LRRK1: variants seen among roughly 807,000 people sequenced by gnomAD.
The protein encoded by LRRK1 is leucine-rich repeat serine/threonine-protein kinase 1.
Under a neutral mutation model 209.1 loss-of-function variants are expected in LRRK1, and 113 were observed. That is an observed-to-expected ratio of 0.54 (90% CI 0.46 to 0.63). The LOEUF (loss-of-function observed/expected upper bound fraction) is 0.63, where lower values mean the gene tolerates loss of function less well. Ranked by LOEUF, LRRK1 falls within the 30% of genes least tolerant of loss-of-function variation. The probability of loss-of-function intolerance (pLI) is 0.00; values close to 1 mark genes in which losing one functional copy is unlikely to be tolerated. For missense variants in LRRK1, 2,284 were observed against 2,632.2 expected (o/e 0.87, Z 2.89); for synonymous variants, 1,144 against 1,099.7 (o/e 1.04, Z -0.80).
At chr15:101,016,989 T>A (rs1297633755) in intron 12 of LRRK1, among the ~76,000 whole-genome samples, 1 of 152,174 alleles carries the variant, frequency 6.6e-6, no homozygotes, top group Non-Finnish European at 1.5e-5. Context: ...TTATCTTCTG[T>A]GAGACACAGG....
intron 20 of LRRK1, among the ~76,000 whole-genome samples, chr15:101,041,810 C>A (rs1319941870): frequency 6.6e-6 from 1 of 152,102 alleles, no homozygotes; most frequent in African/African-American, 2.4e-5. Context: ...TATCTACATA[C>A]CTATGATGAA....
chr15:101,055,302 C>A, intron 27 of LRRK1, 79 bp downstream of exon 27: 1 of 1,359,172 alleles, frequency 7.4e-7, no homozygotes, highest in South Asian at 1.8e-5. Context: ...CCTGGAGGCA[C>A]CTGAAGCTTC....
At chr15:100,998,220 G>A (rs946501933) in intron 6 of LRRK1, among the ~76,000 whole-genome samples, 1 of 151,640 alleles carries the variant, frequency 6.6e-6, no homozygotes, top group South Asian at 2.1e-4. Context: ...AATATCTGGT[G>A]GCAGGGAAAG....
Position 101,026,132 on chromosome 15 carries a change from C to T in LRRK1, c.2400C>T (p.His800=), listed in dbSNP as rs745342762. ...GCTTCCCAGACATCACCTTCAAACA[C>T]TTACAGTGAGTGCCCAGCCTCGGGC... The part of the protein sequence containing the change: ...ATGFPDITFK[H]LHEISCKSLE... The change falls in exon 17 of 34, where the codon CAC becomes CAT. Residue 800 remains histidine (H), a synonymous_variant. Coordinates refer to ENST00000388948, the MANE Select transcript of LRRK1 (RefSeq NM_024652.6). The T allele has an allele frequency of 3.1e-6, 5 of 1,614,034 alleles. No individual in the cohort carries two copies. The African/African-American group carries it at 6.7e-5, about 22-fold the overall frequency.
rs1334245616 is a variant in LRRK1 at position 101,027,506 on chromosome 15, GAGGGT to G, written c.2526+126_2527-127del. 6.0e-6 allele frequency: 9 copies of G among 1,503,680 alleles called. No homozygotes were observed. Among genetic ancestry groups the G allele is most frequent in the Non-Finnish European group, 8.1e-6 (9 of 1,116,594 alleles). 93.1% of individuals were successfully genotyped at this position (1,503,680 alleles called of 1,614,324 possible). On this transcript the variant is annotated intron_variant, in intron 18 of 33. Coordinates refer to ENST00000388948, the MANE Select transcript of LRRK1 (RefSeq NM_024652.6). The surrounding 1 kb of genome is among the most constrained non-coding windows in gnomAD (Gnocchi z 5.1). ...CAAGGCTCGGTGGTTCCTGGTGAGG[GAGGGT>G]CAGGATGGAAGATAGTGGGTGGAAA...
chr15:100,935,784 G>A (rs1029681941), intron 2 of LRRK1, among the ~76,000 whole-genome samples: 3 of 152,174 alleles, frequency 2.0e-5, no homozygotes, highest in Non-Finnish European at 1.5e-5. Flanking sequence ...GTTTCTGTGG[G>A]TCAGGAATCT....
rs74981792 is a variant in LRRK1 at position 100,964,676 on chromosome 15, C to T, written c.98-9128C>T. On this transcript the variant is annotated intron_variant, in intron 2 of 33. Coordinates refer to ENST00000388948, the MANE Select transcript of LRRK1 (RefSeq NM_024652.6). ...TAAAGTCATGGATATGCAAATCAAA[C>T]GGCAGTGTCTTTTCTAAGATTTACA... Among the ~76,000 whole-genome samples the T allele has an allele frequency of 8.2e-3, 1,247 of 152,304 alleles. 14 individuals carry two copies. The highest frequency in any genetic ancestry group is 0.028 in the South Asian group (133 of 4,824).
chr15:100,955,698 G>A (rs1429304324), intron 2 of LRRK1, among the ~76,000 whole-genome samples: 1 of 110,806 alleles, frequency 9.0e-6, no homozygotes, highest in East Asian at 2.8e-4. Context: ...TATTTTGAAA[G>A]GATGTTGAAT....
intron 10 of LRRK1, 34 bp downstream of exon 10, chr15:101,012,179 G>A (rs777351533): frequency 6.4e-7 from 1 of 1,562,140 alleles, no homozygotes; most frequent in South Asian, 1.2e-5. Context: ...CTCATTTTCG[G>A]CTTTTGAGAG....
chr15:100,941,531 G>A (rs182604489), intron 2 of LRRK1, among the ~76,000 whole-genome samples: 7 of 143,536 alleles, frequency 4.9e-5, no homozygotes, highest in Non-Finnish European at 6.1e-5. Flanking sequence ...CCTGCTGATC[G>A]GTGGCCTGCC....
intron 2 of LRRK1, among the ~76,000 whole-genome samples, chr15:100,945,475 A>C (rs2042519310): frequency 7.2e-6 from 1 of 139,518 alleles, no homozygotes; most frequent in Non-Finnish European, 1.5e-5. Flanking sequence ...CTATCTCTGC[A>C]GAGCCTCTTT....
chr15:100,991,432 G>C (rs887279865), intron 6 of LRRK1, among the ~76,000 whole-genome samples: 1 of 151,918 alleles, frequency 6.6e-6, no homozygotes, highest in South Asian at 2.1e-4. Context: ...GACCTGTCTT[G>C]TCTGTTAGTG....
intron 21 of LRRK1, 117 bp downstream of exon 21, chr15:101,046,269 G>A: frequency 8.7e-7 from 1 of 1,145,366 alleles, no homozygotes; most frequent in Non-Finnish European, 1.2e-6. Context: ...TTCTCCTAGA[G>A]CCATGCCACC....
intron 6 of LRRK1, among the ~76,000 whole-genome samples, chr15:100,993,982 C>T (rs1407858603): frequency 6.6e-6 from 1 of 152,140 alleles, no homozygotes; most frequent in Non-Finnish European, 1.5e-5. Flanking sequence ...TTAGCACAGG[C>T]CCTGGCACAT....
intron 10 of LRRK1, among the ~76,000 whole-genome samples, chr15:101,013,196 A>T (rs1356721300): frequency 1.3e-5 from 2 of 152,150 alleles, no homozygotes; most frequent in African/African-American, 4.8e-5. Context: ...GGTCTGGCAC[A>T]TGGCAGGGTC....
rs779865899 is a variant in LRRK1, at chr15:100,983,535, T to C, written c.269T>C (p.Leu90Pro). 6.3e-7 allele frequency: 1 copy of C among 1,597,328 alleles called. No individual in the cohort carries two copies. The highest frequency in any genetic ancestry group is 1.7e-5 in the Admixed American group (1 of 57,590). Residue 90 changes from leucine to proline, a missense_variant, in exon 4 of 34, where the codon CTT (leucine) becomes CCT (proline). By Grantham distance (98) the Leu-to-Pro change is moderately conservative (BLOSUM62 -3). This residue lies in a region of LRRK1 where 174 missense variants were observed against 133.5 expected (regional missense o/e 1.30). Coordinates refer to ENST00000388948, the MANE Select transcript of LRRK1 (RefSeq NM_024652.6). ...CTGTTCTGTTTTGACCAGGGCCAGC[T>C]TCTGAGCATCCCGGCAGCCTATGGG... The part of the protein sequence containing the change: ...QCASQLEKGQ[L>P]LSIPAAYGDL...
chr15:100,988,725 G>T lies in LRRK1; in HGVS notation c.525G>T (p.Thr175=). The T allele has an allele frequency of 6.2e-7, 1 of 1,614,130 alleles. No individual in the cohort carries two copies. The highest frequency in any genetic ancestry group is 8.5e-7 in the Non-Finnish European group (1 of 1,179,994). Reference sequence around the variant, plus strand: ...GGGTTGTGAAGCTCCTGGTCCTGACGCACGGGGCTGACCCGGAGAGCTACG... The same window carrying T: ...GGGTTGTGAAGCTCCTGGTCCTGACTCACGGGGCTGACCCGGAGAGCTACG... ...HLGVVKLLVL[T]HGADPESYAV... is the part of the protein sequence containing the mutation. The change falls in exon 5 of 34, where the codon ACG becomes ACT. Residue 175 remains threonine (T), a synonymous_variant. Coordinates refer to ENST00000388948, the MANE Select transcript of LRRK1 (RefSeq NM_024652.6).
chr15:100,969,022 T>G (rs1275797869), intron 2 of LRRK1, among the ~76,000 whole-genome samples: 1 of 152,112 alleles, frequency 6.6e-6, no homozygotes, highest in Admixed American at 6.5e-5. Flanking sequence ...TAAAATGTTT[T>G]GTAGAGACAG....
chr15:100,951,551 A>AGCT (rs770270087), intron 2 of LRRK1, among the ~76,000 whole-genome samples: 24 of 152,362 alleles, frequency 1.6e-4, no homozygotes, highest in Non-Finnish European at 2.5e-4. Context: ...AGCTCCCATC[A>AGCT]GCTGATGAAT....
Sources: allele counts gnomAD v4.1 joint callset (sites outside exome capture counted in the v4.1 genomes callset), GRCh38; gene constraint gnomAD v4.1.1; regional missense constraint gnomAD v4.1.1; non-coding constraint Gnocchi (gnomAD v3.1); transcripts MANE v1.5; gene names NCBI Gene and HGNC (gene_info 2026-07-23, HGNC 2026-07-21).